The following MRTFB variants were observed in gnomAD, a reference collection of about 807,000 sequenced individuals.
The protein encoded by MRTFB is myocardin related transcription factor B.
A neutral mutation model predicts 104.2 loss-of-function variants in MRTFB; 29 were observed. The observed-to-expected ratio is 0.28, with a 90% CI of 0.21 to 0.38. MRTFB has a LOEUF of 0.38. Among genes scored for constraint, MRTFB ranks in the 10% least tolerant of loss-of-function variants. MRTFB has a pLI of 1.00. For missense variants in MRTFB, 1,270 were observed against 1,341.6 expected (o/e 0.95, Z 0.83); for synonymous variants, 535 against 519.5 (o/e 1.03, Z -0.41).
At chr16:14,093,129 A>T (rs1042361709) in intron 2 of MRTFB, among the ~76,000 whole-genome samples, 1 of 152,054 alleles carries the variant, frequency 6.6e-6, no homozygotes, top group Non-Finnish European at 1.5e-5. Context: ...TTCCCTCTGT[A>T]GTCAGGAAAA....
Position 14,252,522 on chromosome 16 carries a change from T to C in MRTFB, c.2703+20T>C. Reference sequence around the variant, plus strand: ...CCAGAGGTAAGTGAGGGCACGGTCATGGTGCATAAGGCTATGGTGGATGTG... The same window carrying C: ...CCAGAGGTAAGTGAGGGCACGGTCACGGTGCATAAGGCTATGGTGGATGTG... On this transcript the variant is annotated intron_variant, in intron 15 of 16. Coordinates refer to ENST00000571589, the MANE Select transcript of MRTFB (RefSeq NM_001308142.2). The C allele has an allele frequency of 1.9e-6, 3 of 1,613,736 alleles. No homozygotes were observed. The highest frequency in any genetic ancestry group is 3.3e-5 in the Admixed American group (2 of 59,984).
intron 3 of MRTFB, among the ~76,000 whole-genome samples, chr16:14,173,012 C>T (rs1424390328): frequency 1.3e-5 from 2 of 152,100 alleles, no homozygotes; most frequent in Non-Finnish European, 2.9e-5. Context: ...TTCCCTATGT[C>T]CAGGTCATAA....
chr16:14,118,394 G>A (rs1266843939), intron 2 of MRTFB, among the ~76,000 whole-genome samples: 1 of 151,164 alleles, frequency 6.6e-6, no homozygotes, highest in Non-Finnish European at 1.5e-5. Context: ...TGCCCGCCTC[G>A]GCCTCCCAAA....
chr16:14,210,172 C>A, intron 3 of MRTFB, 71 bp from the exon 4 acceptor site: 1 of 1,186,636 alleles, frequency 8.4e-7, no homozygotes, highest in Non-Finnish European at 1.2e-6. Context: ...AATTGCATCT[C>A]CTCTGGAATC....
intron 2 of MRTFB, among the ~76,000 whole-genome samples, chr16:14,138,320 T>A (rs2037827513): frequency 6.6e-6 from 1 of 152,230 alleles, no homozygotes; most frequent in Non-Finnish European, 1.5e-5. Context: ...ACATGTTTAC[T>A]ATTCCTGATG....
chr16:14,023,669 G>A, the MRTFB span, among the ~76,000 whole-genome samples: 1 of 143,030 alleles, frequency 7.0e-6, no homozygotes, highest in Non-Finnish European at 1.5e-5. Flanking sequence ...GTGTGTGTGT[G>A]TGTGTGTCTA....
chr16:14,235,518 G>C (rs1176386163), intron 9 of MRTFB, among the ~76,000 whole-genome samples: 1 of 152,190 alleles, frequency 6.6e-6, no homozygotes, highest in Non-Finnish European at 1.5e-5. Flanking sequence ...TGTCTTTAAG[G>C]AAGGCTTTGG....
chr16:14,081,291 CTT>C (rs995694902), intron 2 of MRTFB, among the ~76,000 whole-genome samples: 88 of 121,440 alleles, frequency 7.2e-4, no homozygotes, highest in Non-Finnish European at 1.4e-3. Flanking sequence ...CGTATGCTGC[CTT>C]TTTTTTTTTT....
Position 14,261,612 on chromosome 16 carries a change from A to C in MRTFB, c.*168A>C, listed in dbSNP as rs1375875430. ...TGGAACCCAAGTTTGAAAACATTTCATTGTGTTCAGTAGTGAATTTCTACA... is the reference window on the plus strand; with the variant it reads ...TGGAACCCAAGTTTGAAAACATTTCCTTGTGTTCAGTAGTGAATTTCTACA... On this transcript the variant is annotated 3_prime_UTR_variant, in exon 17 of 17. Coordinates refer to ENST00000571589, the MANE Select transcript of MRTFB (RefSeq NM_001308142.2). 1.5e-6 allele frequency: 1 copy of C among 671,246 alleles called. No individual in the cohort carries two copies. The highest frequency in any genetic ancestry group is 2.4e-6 in the Non-Finnish European group (1 of 412,916). 41.6% of individuals were successfully genotyped at this position (671,246 alleles called of 1,614,324 possible).
chr16:14,080,046 A>G (rs8047685), intron 2 of MRTFB, among the ~76,000 whole-genome samples: 18,460 of 152,216 alleles, frequency 0.12, 2,515 homozygotes, highest in African/African-American at 0.34. Context: ...CTAATGTTCC[A>G]TCTTTTAGAG....
At chr16:14,079,916 T>A (rs996702929) in intron 2 of MRTFB, among the ~76,000 whole-genome samples, 5 of 152,296 alleles carry the variant, frequency 3.3e-5, no homozygotes, top group African/African-American at 1.2e-4. Flanking sequence ...ATATACAAAA[T>A]TTTAAATAAA....
intron 2 of MRTFB, among the ~76,000 whole-genome samples, chr16:14,080,586 G>A (rs2034338246): frequency 6.6e-6 from 1 of 152,060 alleles, no homozygotes; most frequent in Non-Finnish European, 1.5e-5. Context: ...AGATCTCTTT[G>A]AATTATTCCT....
intron 3 of MRTFB, chr16:14,191,766 T>C (rs1031232079): frequency 4.6e-5 from 7 of 152,196 alleles, no homozygotes; most frequent in African/African-American, 1.7e-4. Flanking sequence ...CCGAAGGCAC[T>C]GTTAAGGTAT....
chr16:14,246,992 G>A lies in MRTFB; in HGVS notation c.1732G>A (p.Glu578Lys). The A allele has an allele frequency of 1.2e-6, 2 of 1,614,176 alleles. No individual in the cohort carries two copies. Among genetic ancestry groups the A allele is most frequent in the Non-Finnish European group, 1.7e-6 (2 of 1,180,052 alleles). The stretch of plus-strand genomic sequence containing the variant: ...AAAGGATCGCAAGCTTCAGGAGAAA[G>A]AGAAGCAAATCGAAGAGCTGAAGAG... ...AEKDRKLQEK[E>K]KQIEELKRKL... is the part of the protein sequence containing the mutation. Residue 578 changes from glutamate to lysine, a missense_variant, in exon 12 of 17, where the codon GAG (glutamate) becomes AAG (lysine). Glu to Lys is a moderately conservative substitution (Grantham distance 56). Coordinates refer to ENST00000571589, the MANE Select transcript of MRTFB (RefSeq NM_001308142.2).
intron 3 of MRTFB, among the ~76,000 whole-genome samples, chr16:14,189,256 A>T (rs1430540567): frequency 3.3e-5 from 5 of 152,198 alleles, no homozygotes; most frequent in African/African-American, 4.8e-5. Context: ...TCTCTTTGCA[A>T]AATTGAACTC....
At chr16:14,029,445 T>TATACACAC in the MRTFB span, among the ~76,000 whole-genome samples, 2,601 of 85,828 alleles carry the variant, frequency 0.03, 75 homozygotes, top group Admixed American at 0.073. Context: ...TATATATATA[T>TATACACAC]ACACACACAC....
chr16:14,218,797 T>A (rs2041547982), intron 7 of MRTFB, 23 bp from the exon 8 acceptor site: 1 of 1,572,746 alleles, frequency 6.4e-7, no homozygotes, highest in Non-Finnish European at 8.7e-7. Flanking sequence ...ATAAGTCAAG[T>A]CAAAAATCAT....
At chr16:14,083,172 A>G (rs1261454424) in intron 2 of MRTFB, among the ~76,000 whole-genome samples, 4 of 152,058 alleles carry the variant, frequency 2.6e-5, no homozygotes, top group Non-Finnish European at 5.9e-5. Context: ...GTTAGTATAT[A>G]GAAGTATTAC....
the MRTFB span, among the ~76,000 whole-genome samples, chr16:13,994,795 T>C: frequency 2.0e-5 from 3 of 152,134 alleles, no homozygotes; most frequent in African/African-American, 7.2e-5. Flanking sequence ...TTGAGTCCAG[T>C]CTCTAAGAAT....
Sources: allele counts gnomAD v4.1 joint callset (sites outside exome capture counted in the v4.1 genomes callset), GRCh38; gene constraint gnomAD v4.1.1; transcripts MANE v1.5; gene names NCBI Gene and HGNC (gene_info 2026-07-23, HGNC 2026-07-21).